GRM7: variants seen among roughly 807,000 people sequenced by gnomAD.
GRM7 encodes glutamate metabotropic receptor 7, also known as metabotropic glutamate receptor 7.
A neutral mutation model predicts 84.5 loss-of-function variants in GRM7; 35 were observed. That is an observed-to-expected ratio of 0.41 (90% CI 0.32 to 0.55). The LOEUF (loss-of-function observed/expected upper bound fraction) is 0.55, where lower values mean the gene tolerates loss of function less well. Ranked by LOEUF, GRM7 falls within the 20% of genes least tolerant of loss-of-function variation. The probability of loss-of-function intolerance (pLI) is 0.19; values close to 1 mark genes in which losing one functional copy is unlikely to be tolerated. For missense variants in GRM7, 1,003 were observed against 1,194.6 expected (o/e 0.84, Z 2.36); for synonymous variants, 487 against 455.1 (o/e 1.07, Z -0.89).
At chr3:7,354,236 A>G (rs376314913) in intron 4 of GRM7, among the ~76,000 whole-genome samples, 20 of 152,288 alleles carry the variant, frequency 1.3e-4, no homozygotes, top group East Asian at 9.7e-4. Flanking sequence ...TTTGGGGACT[A>G]CCAGACACTG....
At chr3:7,047,041 GT>G (rs1476533384) in intron 1 of GRM7, among the ~76,000 whole-genome samples, 1 of 151,878 alleles carries the variant, frequency 6.6e-6, no homozygotes, top group Non-Finnish European at 1.5e-5. Context: ...AAATTAGGAG[GT>G]TTCTTATCCA....
intron 2 of GRM7, among the ~76,000 whole-genome samples, chr3:7,208,466 C>T (rs79175135): frequency 0.02 from 3,107 of 152,174 alleles, 79 homozygotes; most frequent in African/African-American, 0.062. Flanking sequence ...TTCTCATCTG[C>T]GGGATACAGA....
chr3:7,381,999 A>G (rs1694609505), intron 4 of GRM7, among the ~76,000 whole-genome samples: 5 of 152,178 alleles, frequency 3.3e-5, no homozygotes, highest in Admixed American at 3.3e-4. Flanking sequence ...TGTTTTATTT[A>G]AAGTCCATGA....
intron 2 of GRM7, among the ~76,000 whole-genome samples, chr3:7,266,489 C>A (rs1030339022): frequency 6.6e-6 from 1 of 152,106 alleles, no homozygotes; most frequent in Non-Finnish European, 1.5e-5. Flanking sequence ...TTGTGTGTGA[C>A]CAGAGTTGTA....
At chr3:7,454,431 C>G (rs35968207) in intron 6 of GRM7, among the ~76,000 whole-genome samples, 52,885 of 151,918 alleles carry the variant, frequency 0.35, 10,745 homozygotes, top group Non-Finnish European at 0.48. Flanking sequence ...ACATTCAACA[C>G]AGACAGTAAC....
intron 7 of GRM7, among the ~76,000 whole-genome samples, chr3:7,568,377 G>A (rs1694427591): frequency 6.6e-6 from 1 of 152,260 alleles, no homozygotes; most frequent in South Asian, 2.1e-4. Context: ...CACAATCATG[G>A]CAAAAGGTGA....
At chr3:6,880,503 T>C (rs1695469015) in intron 1 of GRM7, among the ~76,000 whole-genome samples, 2 of 152,196 alleles carry the variant, frequency 1.3e-5, no homozygotes, top group African/African-American at 4.8e-5. Flanking sequence ...ATTCTTATGG[T>C]TCACATATAA....
At chr3:7,514,401 AC>A (rs1234432649) in intron 7 of GRM7, among the ~76,000 whole-genome samples, 1 of 152,232 alleles carries the variant, frequency 6.6e-6, no homozygotes, top group African/African-American at 2.4e-5. Flanking sequence ...ATCTCAAAAT[AC>A]CTATATCTTC....
intron 1 of GRM7, among the ~76,000 whole-genome samples, chr3:6,891,091 C>A (rs1193671967): frequency 6.6e-6 from 1 of 152,104 alleles, no homozygotes; most frequent in Non-Finnish European, 1.5e-5. Context: ...CTTGGTAGAT[C>A]TTCCTCCATC....
chr3:7,106,869 C>T (rs1310082781), intron 1 of GRM7, among the ~76,000 whole-genome samples: 3 of 151,978 alleles, frequency 2.0e-5, no homozygotes, highest in Admixed American at 6.6e-5. Context: ...CCCAGTTTTG[C>T]CTGCCCAAGA....
intron 1 of GRM7, among the ~76,000 whole-genome samples, chr3:6,914,952 G>T (rs1431935035): frequency 6.6e-6 from 1 of 152,032 alleles, no homozygotes; most frequent in Non-Finnish European, 1.5e-5. Flanking sequence ...CGATATTTTT[G>T]ACAGGAACTC....
intron 7 of GRM7, among the ~76,000 whole-genome samples, chr3:7,566,122 T>TTG (rs1559406830): frequency 2.1e-5 from 3 of 145,334 alleles, no homozygotes; most frequent in South Asian, 2.2e-4. Context: ...TTTTTTTTTT[T>TTG]TTTTTTTTTT....
chr3:7,628,347 C>T (rs555448158), intron 8 of GRM7, among the ~76,000 whole-genome samples: 3 of 152,200 alleles, frequency 2.0e-5, no homozygotes, highest in Non-Finnish European at 2.9e-5. Context: ...GCCCAGGTCA[C>T]GACTTCAGAA....
chr3:7,693,628 T>C, intron 9 of GRM7: 3 of 1,515,644 alleles, frequency 2.0e-6, no homozygotes, highest in Non-Finnish European at 2.7e-6. Context: ...GTTGTTTTTA[T>C]TCAGGTGAGA....
At chr3:6,955,716 G>A (rs1019532075) in intron 1 of GRM7, among the ~76,000 whole-genome samples, 1 of 150,870 alleles carries the variant, frequency 6.6e-6, no homozygotes, top group African/African-American at 2.4e-5. Context: ...ATGGCACATG[G>A]CTGTAATCCC....
chr3:7,657,441 A>T (rs1169355098), intron 8 of GRM7, among the ~76,000 whole-genome samples: 2 of 152,194 alleles, frequency 1.3e-5, no homozygotes, highest in Non-Finnish European at 2.9e-5. Context: ...AATTAATTCA[A>T]CCCCAAAAAA....
intron 1 of GRM7, among the ~76,000 whole-genome samples, chr3:7,055,887 G>T (rs943848296): frequency 6.6e-6 from 1 of 151,884 alleles, no homozygotes; most frequent in Admixed American, 6.6e-5. Flanking sequence ...TATTGATCAG[G>T]AGAAGTATTA....
In GRM7 at chr3:7,323,386, A is replaced by C. The variant is rs139168851; in HGVS notation, c.1033+16734A>C. On this transcript the variant is annotated intron_variant, in intron 4 of 9. Transcript: ENST00000357716. ...CCCCATAACACCAACAAAAACTAAAAACAAACTGTAACTGGCATAGTAGGA... is the reference window on the plus strand; with the variant it reads ...CCCCATAACACCAACAAAAACTAAACACAAACTGTAACTGGCATAGTAGGA... Among the ~76,000 whole-genome samples the C allele has an allele frequency of 1.8e-3, 269 of 152,222 alleles. 1 individual carries two copies. The highest frequency in any genetic ancestry group is 6.2e-3 in the African/African-American group (257 of 41,548).
At chr3:7,738,195 G>A (rs1022620244) in intron 9 of GRM7, among the ~76,000 whole-genome samples, 3 of 152,036 alleles carry the variant, frequency 2.0e-5, no homozygotes, top group Non-Finnish European at 4.4e-5. Flanking sequence ...TCAAGACACT[G>A]GGCAAGGTCA....
Sources: gnomAD v4.1 joint callset for allele counts (sites outside exome capture counted in the v4.1 genomes callset) on GRCh38, gnomAD v4.1.1 for gene constraint, MANE v1.5 for transcripts, NCBI Gene and HGNC (gene_info 2026-07-23, HGNC 2026-07-21) for gene names.